The following GPC5 variants were observed in gnomAD, a reference collection of about 807,000 sequenced individuals.
GPC5 encodes glypican 5, also known as glypican-5.
In GPC5, 47 loss-of-function variants were observed where a neutral mutation model predicts 53.9. That is an observed-to-expected ratio of 0.87 (90% CI 0.69 to 1.11). The LOEUF is 1.11. GPC5 is among the 50% of genes most tolerant of loss of function. The probability of loss-of-function intolerance (pLI) is 0.00; values close to 1 mark genes in which losing one functional copy is unlikely to be tolerated. For missense variants in GPC5, 748 were observed against 713.1 expected (o/e 1.05, Z -0.56); for synonymous variants, 286 against 263.3 (o/e 1.09, Z -0.84).
At chr13:92,490,918 C>G (rs1340270959) in intron 7 of GPC5, among the ~76,000 whole-genome samples, 2 of 151,926 alleles carry the variant, frequency 1.3e-5, no homozygotes, top group Non-Finnish European at 2.9e-5. Context: ...TGAAAGAAGC[C>G]TTGTAAAATT....
chr13:92,671,610 CAT>C (rs1886754810), intron 7 of GPC5, among the ~76,000 whole-genome samples: 1 of 152,094 alleles, frequency 6.6e-6, no homozygotes, highest in Admixed American at 6.6e-5. Flanking sequence ...TAATTATGGA[CAT>C]AAGTTTACCT....
intron 7 of GPC5, among the ~76,000 whole-genome samples, chr13:92,203,933 G>A (rs1050970548): frequency 1.3e-5 from 2 of 151,830 alleles, no homozygotes; most frequent in African/African-American, 4.8e-5. Flanking sequence ...AAAAAAAGAA[G>A]CAGTAATAAA....
chr13:91,461,792 C>T (rs1881943176), intron 2 of GPC5, among the ~76,000 whole-genome samples: 1 of 151,970 alleles, frequency 6.6e-6, no homozygotes, highest in Non-Finnish European at 1.5e-5. Flanking sequence ...ATAAGAAGTG[C>T]TGCAGGGCCC....
intron 7 of GPC5, among the ~76,000 whole-genome samples, chr13:92,424,554 A>G (rs1248023249): frequency 6.6e-6 from 1 of 152,088 alleles, no homozygotes; most frequent in Non-Finnish European, 1.5e-5. Flanking sequence ...GACAAGGTTC[A>G]TCATATTATT....
At chr13:92,280,101 A>AT (rs1162811838) in intron 7 of GPC5, among the ~76,000 whole-genome samples, 2 of 151,786 alleles carry the variant, frequency 1.3e-5, no homozygotes, top group Non-Finnish European at 2.9e-5. Flanking sequence ...TCTTGAGATA[A>AT]TTTTTTTCTA....
chr13:92,082,847 T>G (rs1223084018), intron 6 of GPC5, among the ~76,000 whole-genome samples: 1 of 152,230 alleles, frequency 6.6e-6, no homozygotes, highest in Non-Finnish European at 1.5e-5. Flanking sequence ...GTGAAAATCA[T>G]AGCTAGCTAA....
intron 6 of GPC5, among the ~76,000 whole-genome samples, chr13:92,039,791 CTCT>C (rs2138822043): frequency 6.6e-6 from 1 of 152,204 alleles, no homozygotes; most frequent in South Asian, 2.1e-4. Flanking sequence ...TTCAAATTTC[CTCT>C]TCTTGAAATA....
At chr13:92,027,181 G>A (rs1166401662) in intron 6 of GPC5, among the ~76,000 whole-genome samples, 3 of 152,070 alleles carry the variant, frequency 2.0e-5, no homozygotes, top group Non-Finnish European at 2.9e-5. Context: ...TTCCTTTCAG[G>A]AGAAAGTTGA....
chr13:92,355,250 A>G (rs533468127), intron 7 of GPC5, among the ~76,000 whole-genome samples: 1 of 152,014 alleles, frequency 6.6e-6, no homozygotes, highest in Admixed American at 6.5e-5. Flanking sequence ...TGGAAAATCA[A>G]AATTCAATAC....
intron 5 of GPC5, among the ~76,000 whole-genome samples, chr13:91,870,146 C>A (rs2039128263): frequency 6.6e-6 from 1 of 152,210 alleles, no homozygotes; most frequent in African/African-American, 2.4e-5. Flanking sequence ...CAGATTCTTA[C>A]ATTCACCAAG....
chr13:92,065,978 A>T (rs140380784), intron 6 of GPC5, among the ~76,000 whole-genome samples: 284 of 152,184 alleles, frequency 1.9e-3, no homozygotes, highest in African/African-American at 5.8e-3. Flanking sequence ...CAACTGTTGA[A>T]AAGATATTAT....
chr13:92,615,231 C>T (rs1236185952), intron 7 of GPC5, among the ~76,000 whole-genome samples: 2 of 151,014 alleles, frequency 1.3e-5, no homozygotes, highest in African/African-American at 5.0e-5. Context: ...AGCAGTTGTT[C>T]TTATGTTGAC....
intron 2 of GPC5, among the ~76,000 whole-genome samples, chr13:91,562,779 T>C (rs761749800): frequency 1.3e-5 from 2 of 152,056 alleles, no homozygotes; most frequent in African/African-American, 2.4e-5. Flanking sequence ...ACTGAAAAAG[T>C]AAGCAGTTTG....
At chr13:92,550,036 G>C (rs942434510) in intron 7 of GPC5, among the ~76,000 whole-genome samples, 1 of 151,746 alleles carries the variant, frequency 6.6e-6, no homozygotes, top group African/African-American at 2.4e-5. Context: ...TTAAGCCAGA[G>C]ATATCTATTC....
intron 7 of GPC5, among the ~76,000 whole-genome samples, chr13:92,531,859 A>G (rs979902176): frequency 2.6e-5 from 4 of 152,178 alleles, no homozygotes; most frequent in African/African-American, 9.6e-5. Context: ...GGTAGGAGTA[A>G]TATGGTTATC....
At chr13:92,446,078 T>C (rs147383049) in intron 7 of GPC5, among the ~76,000 whole-genome samples, 147 of 152,332 alleles carry the variant, frequency 9.6e-4, no homozygotes, top group African/African-American at 3.5e-3. Context: ...CTCAAGCATT[T>C]ATCTTTTGTG....
intron 7 of GPC5, among the ~76,000 whole-genome samples, chr13:92,536,864 TA>T (rs1201300014): frequency 6.6e-6 from 1 of 152,144 alleles, no homozygotes; most frequent in Non-Finnish European, 1.5e-5. Flanking sequence ...TATCAAATTT[TA>T]ATCTTTTATT....
intron 7 of GPC5, among the ~76,000 whole-genome samples, chr13:92,369,706 A>T (rs934029828): frequency 2.0e-5 from 3 of 152,220 alleles, no homozygotes; most frequent in Admixed American, 2.0e-4. Context: ...TATCATAAAA[A>T]TGCTTGCAGG....
At chr13:91,703,488 T>C (rs2036036119) in intron 3 of GPC5, among the ~76,000 whole-genome samples, 1 of 152,196 alleles carries the variant, frequency 6.6e-6, no homozygotes, top group South Asian at 2.1e-4. Context: ...TATGTCTTTG[T>C]ATATGGTGAA....
Sources: allele counts gnomAD v4.1 joint callset (sites outside exome capture counted in the v4.1 genomes callset), GRCh38; gene constraint gnomAD v4.1.1; transcripts MANE v1.5; gene names NCBI Gene and HGNC (gene_info 2026-07-23, HGNC 2026-07-21).